The following SEC23A variants were observed in gnomAD, a reference collection of about 807,000 sequenced individuals.
SEC23A encodes protein transport protein Sec23A.
A neutral mutation model predicts 103.7 loss-of-function variants in SEC23A; 56 were observed. The observed-to-expected ratio is 0.54, with a 90% confidence interval of 0.44 to 0.67. SEC23A has a LOEUF of 0.67. Among genes scored for constraint, SEC23A ranks in the 30% least tolerant of loss-of-function variants. SEC23A has a pLI of 0.00. For missense variants in SEC23A, 784 were observed against 936.4 expected, an observed-to-expected ratio of 0.84 and a Z score of 2.12; for synonymous variants, 281 against 293.0, an observed-to-expected ratio of 0.96 and a Z score of 0.42.
At chr14:39,046,080 C>T (rs1162282780) in intron 15 of SEC23A, among the ~76,000 whole-genome samples, 1 of 152,198 alleles carries the variant, frequency 6.6e-6, no homozygotes, top group African/African-American at 2.4e-5. Flanking sequence ...CCTGCACATG[C>T]TCTCTTGCCT....
chr14:39,081,864 T>C (rs1169343146), intron 7 of SEC23A, among the ~76,000 whole-genome samples: 1 of 152,192 alleles, frequency 6.6e-6, no homozygotes, highest in Non-Finnish European at 1.5e-5. Context: ...TACATATATA[T>C]GCACATACAT....
chr14:39,087,108 C>T (rs1887472220), intron 5 of SEC23A, 100 bp from the exon 6 acceptor site: 4 of 756,708 alleles, frequency 5.3e-6, no homozygotes, highest in Non-Finnish European at 9.3e-6. Flanking sequence ...ATTAGAAACA[C>T]AAAAATAAAA....
intron 1 of SEC23A, among the ~76,000 whole-genome samples, chr14:39,099,252 G>T (rs953345640): frequency 2.0e-5 from 3 of 148,808 alleles, no homozygotes; most frequent in Admixed American, 1.4e-4. Context: ...TCTGCCTCCC[G>T]GGTTCAAGCG....
rs1490900566 is a variant in SEC23A at position 39,095,978 on chromosome 14, C to G, written c.141G>C (p.Glu47Asp). 1 of 1,614,172 alleles carries G rather than the reference C, an allele frequency of 6.2e-7. No individual in the cohort carries two copies. The change falls in exon 2 of 20, where the codon GAG (glutamate) becomes GAC (aspartate). Residue 47 changes from glutamate to aspartate, a missense_variant. Physicochemically the swap from Glu to Asp is conservative, Grantham distance 45 (BLOSUM62 2). Coordinates refer to ENST00000307712, the MANE Select transcript of SEC23A (RefSeq NM_006364.4). ...ATTGAATAGGTGGTAAGTCAGGTCT[C>G]TCTTTCAGTGGTGTAAACAGGGCTG... Reference protein sequence around the residue: ...PVAALFTPLKERPDLPPIQYE... With the variant: ...PVAALFTPLKDRPDLPPIQYE...
At chr14:39,098,211 G>C (rs1050194407) in intron 1 of SEC23A, among the ~76,000 whole-genome samples, 2 of 152,110 alleles carry the variant, frequency 1.3e-5, no homozygotes, top group Non-Finnish European at 2.9e-5. Flanking sequence ...ATATTCAGAG[G>C]AGAGTTAGAA....
At chr14:39,060,668 CAG>C (rs1886443587) in intron 13 of SEC23A, among the ~76,000 whole-genome samples, 9 of 152,280 alleles carry the variant, frequency 5.9e-5, no homozygotes, top group Admixed American at 5.2e-4. Context: ...CACAAATACA[CAG>C]AGATACCAAA....
intron 9 of SEC23A, among the ~76,000 whole-genome samples, chr14:39,069,050 TCATCATTATACCTGATAATA>T (rs1001601744): frequency 2.0e-5 from 3 of 152,212 alleles, no homozygotes; most frequent in Non-Finnish European, 4.4e-5. Context: ...ATGATCTAAG[TCATCATTATACCTGATAATA>T]CATCCTAGAT....
rs191049659 is a variant in SEC23A, at chr14:39,032,460, T to A, written c.*779A>T. The A allele has an allele frequency of 1.3e-3, 204 of 152,716 alleles. 2 individuals are homozygous for A. The highest frequency in any genetic ancestry group is 4.6e-3 in the African/African-American group (191 of 41,574). 9.5% of individuals were successfully genotyped at this position (152,716 alleles called of 1,614,324 possible). The stretch of plus-strand genomic sequence containing the variant: ...ACCATGCTGTGAAAACTAAATTTGG[T>A]TTAGTAGTTACAACCGTCATTTTAC... On this transcript the variant is annotated 3_prime_UTR_variant, in exon 20 of 20. Coordinates refer to ENST00000307712, the MANE Select transcript of SEC23A (RefSeq NM_006364.4).
intron 15 of SEC23A, among the ~76,000 whole-genome samples, chr14:39,048,102 A>AC (rs759033754): frequency 9.2e-5 from 14 of 152,152 alleles, no homozygotes; most frequent in Non-Finnish European, 1.9e-4. Context: ...ATGTAATTCT[A>AC]CCCACTGCAG....
At chr14:39,035,537 G>A (rs1352321002) in intron 19 of SEC23A, among the ~76,000 whole-genome samples, 2 of 152,142 alleles carry the variant, frequency 1.3e-5, no homozygotes, top group Non-Finnish European at 2.9e-5. Flanking sequence ...CAAGTAACTT[G>A]CAGAGTCTGC....
In SEC23A at chr14:39,091,589, A is replaced by G. The variant is rs752184309; in HGVS notation, c.491T>C (p.Val164Ala). ...CATTCTCCCAAAAGTAATAAGTCCA[A>G]CCAAAGCTGTAGGTGGTAAAAGACT... ...SLSLLPPTALVGLITFGRMVQ... is the reference protein window; with the variant it reads ...SLSLLPPTALAGLITFGRMVQ... Residue 164 changes from valine (V) to alanine (A), a missense_variant, in exon 5 of 20, where the codon GTT becomes GCT. Around this residue, in one of 2 missense-constraint regions of SEC23A, gnomAD observed 683 missense variants for 774.2 expected, o/e 0.88. Transcript: ENST00000307712. 1.2e-6 allele frequency: 2 copies of G among 1,614,014 alleles called. No homozygotes were observed. Among genetic ancestry groups the G allele is most frequent in the South Asian group, 2.2e-5 (2 of 91,082 alleles).
chr14:39,077,805 C>T (rs1216241557), intron 7 of SEC23A, among the ~76,000 whole-genome samples: 1 of 151,616 alleles, frequency 6.6e-6, no homozygotes, highest in African/African-American at 2.4e-5. Context: ...TGGTAGTGCA[C>T]ACCTGTAATC....
intron 9 of SEC23A, among the ~76,000 whole-genome samples, chr14:39,073,941 C>G (rs1886926290): frequency 6.6e-6 from 1 of 151,854 alleles, no homozygotes; most frequent in South Asian, 2.1e-4. Context: ...CCAGAACAGG[C>G]AATTATCAGC....
rs2139212196 is a variant in SEC23A, at chr14:39,055,152, G to C, written c.1650C>G (p.Leu550=). ...AGTGTTTATTTCTTACCAGTCGAATGAGCTGTCTGTCCAGCCACCTAAGCA... is the reference window on the plus strand; with the variant it reads ...AGTGTTTATTTCTTACCAGTCGAATCAGCTGTCTGTCCAGCCACCTAAGCA... The part of the protein sequence containing the change: ...PDVLRWLDRQ[L]IRLCQKFGEY... Residue 550 remains leucine (L), a synonymous_variant, in exon 14 of 20, where the codon CTC becomes CTG. Transcript: ENST00000307712. 6.2e-7 allele frequency: 1 copy of C among 1,614,150 alleles called. No homozygotes were observed. Among genetic ancestry groups the C allele is most frequent in the East Asian group, 2.2e-5 (1 of 44,880 alleles).
At chr14:39,058,990 T>C (rs968749793) in intron 13 of SEC23A, among the ~76,000 whole-genome samples, 15 of 152,260 alleles carry the variant, frequency 9.9e-5, no homozygotes, top group African/African-American at 3.6e-4. Context: ...ACATTCCAAG[T>C]GAACACATGC....
At chr14:39,053,034 C>T (rs1278657167) in intron 14 of SEC23A, among the ~76,000 whole-genome samples, 3 of 152,070 alleles carry the variant, frequency 2.0e-5, no homozygotes, top group East Asian at 1.9e-4. Context: ...GCTCCAGAGG[C>T]GGAGGCAGGA....
At chr14:39,079,538 A>G (rs1887145495) in intron 7 of SEC23A, among the ~76,000 whole-genome samples, 1 of 152,112 alleles carries the variant, frequency 6.6e-6, no homozygotes, top group Non-Finnish European at 1.5e-5. Flanking sequence ...TCATATGATT[A>G]GCCTGGCACA....
intron 17 of SEC23A, among the ~76,000 whole-genome samples, chr14:39,042,302 T>C (rs1278568741): frequency 6.6e-6 from 1 of 152,242 alleles, no homozygotes; most frequent in Non-Finnish European, 1.5e-5. Context: ...TAAAGCTTAA[T>C]AGCTACTAAA....
chr14:39,049,520 T>C (rs987913413), intron 14 of SEC23A, among the ~76,000 whole-genome samples: 1 of 151,546 alleles, frequency 6.6e-6, no homozygotes, highest in Admixed American at 6.6e-5. Context: ...CTCATGCCTA[T>C]AATTCAAGCA....
Sources: allele counts gnomAD v4.1 joint callset (sites outside exome capture counted in the v4.1 genomes callset), GRCh38; gene constraint gnomAD v4.1.1; regional missense constraint gnomAD v4.1.1; transcripts MANE v1.5; gene names NCBI Gene and HGNC (gene_info 2026-07-23, HGNC 2026-07-21).